DIXDC1: variants seen among roughly 807,000 people sequenced by gnomAD.
The protein encoded by DIXDC1 is dixin.
In DIXDC1, 64 loss-of-function variants were observed where a neutral mutation model predicts 103.1. The observed-to-expected ratio is 0.62, with a 90% CI of 0.51 to 0.76. DIXDC1 has a LOEUF of 0.76. DIXDC1 is among the 30% of genes least tolerant of loss of function. DIXDC1 has a pLI of 0.00. For missense variants in DIXDC1, 759 were observed against 834.2 expected, an observed-to-expected ratio of 0.91 and a Z score of 1.11; for synonymous variants, 266 against 298.5, an observed-to-expected ratio of 0.89 and a Z score of 1.12.
chr11:111,942,791 C>T (rs1966461859), intron 1 of DIXDC1, among the ~76,000 whole-genome samples: 1 of 152,162 alleles, frequency 6.6e-6, no homozygotes, highest in Admixed American at 6.5e-5. Context: ...TATTAATCTT[C>T]CCTTATCCAA....
rs996003982 is a variant in DIXDC1, at chr11:112,020,161, T to C, written c.*1125T>C. 2 of 152,604 alleles carry C rather than the reference T, an allele frequency of 1.3e-5. No homozygotes were observed. Among genetic ancestry groups the C allele is most frequent in the African/African-American group, 4.8e-5 (2 of 41,450 alleles). The allele number at this position is 152,604 out of a possible 1,614,324, so 9.5% of individuals were successfully genotyped here. On this transcript the variant is annotated 3_prime_UTR_variant, in exon 20 of 20. Transcript: ENST00000440460. Reference sequence around the variant, plus strand: ...CTAGAATCATTTCTGATGTGCAACATTGTCAAGTGAAGAAGCTAACAGTTC... The same window carrying C: ...CTAGAATCATTTCTGATGTGCAACACTGTCAAGTGAAGAAGCTAACAGTTC...
chr11:111,989,551 G>A (rs1555174289), intron 10 of DIXDC1, among the ~76,000 whole-genome samples: 1 of 150,304 alleles, frequency 6.7e-6, no homozygotes, highest in Non-Finnish European at 1.5e-5. Flanking sequence ...TTGAACCCAG[G>A]AGGCAGAGGT....
chr11:112,001,237 CA>C (rs1334595594), intron 17 of DIXDC1, among the ~76,000 whole-genome samples: 1 of 152,072 alleles, frequency 6.6e-6, no homozygotes. Context: ...ATAAAATGTC[CA>C]GAATAGGCAA....
intron 1 of DIXDC1, among the ~76,000 whole-genome samples, chr11:111,927,914 A>G (rs989598081): frequency 6.7e-6 from 1 of 149,720 alleles, no homozygotes; most frequent in East Asian, 2.0e-4. Context: ...TACTCAGGAG[A>G]CTGAGGCAGG....
intron 1 of DIXDC1, among the ~76,000 whole-genome samples, chr11:111,956,743 G>A (rs1023109510): frequency 1.3e-5 from 2 of 152,160 alleles, no homozygotes; most frequent in African/African-American, 2.4e-5. Flanking sequence ...TCCTGCCTTG[G>A]CCTTCCAAAG....
intron 1 of DIXDC1, among the ~76,000 whole-genome samples, chr11:111,944,964 C>T (rs910905418): frequency 6.6e-6 from 1 of 152,196 alleles, no homozygotes; most frequent in African/African-American, 2.4e-5. Flanking sequence ...TATGTACCAA[C>T]TGTCTTGGTC....
intron 9 of DIXDC1, among the ~76,000 whole-genome samples, chr11:111,988,494 A>G (rs151003169): frequency 3.9e-5 from 6 of 152,338 alleles, no homozygotes; most frequent in African/African-American, 1.4e-4. Context: ...GGGAATGTTA[A>G]TTACTCAGTA....
At chr11:111,991,807 T>C (rs587699077) in intron 10 of DIXDC1, among the ~76,000 whole-genome samples, 2 of 152,274 alleles carry the variant, frequency 1.3e-5, no homozygotes, top group Non-Finnish European at 2.9e-5. Context: ...AGACTAGGCA[T>C]TGGAAGCCAT....
At chr11:111,938,239 C>T (rs1328832684) in intron 1 of DIXDC1, among the ~76,000 whole-genome samples, 1 of 152,172 alleles carries the variant, frequency 6.6e-6, no homozygotes, top group Non-Finnish European at 1.5e-5. Context: ...TCATTTCCTC[C>T]CCACTTGTTT....
intron 2 of DIXDC1, among the ~76,000 whole-genome samples, chr11:111,931,936 C>T (rs1007649307): frequency 1.3e-5 from 2 of 151,456 alleles, no homozygotes; most frequent in African/African-American, 2.4e-5. Flanking sequence ...TCAGTGCAGT[C>T]GTAGAGAAAC....
At chr11:112,002,802 CA>C (rs1341075869) in intron 17 of DIXDC1, among the ~76,000 whole-genome samples, 6 of 151,998 alleles carry the variant, frequency 3.9e-5, no homozygotes, top group African/African-American at 1.4e-4. Context: ...ACCAAATAAA[CA>C]AAAACACAAT....
chr11:111,957,735 G>A (rs1272783346), intron 1 of DIXDC1, among the ~76,000 whole-genome samples: 4 of 152,238 alleles, frequency 2.6e-5, no homozygotes, highest in Non-Finnish European at 2.9e-5. Context: ...TGGAAGAGAC[G>A]TGGCAGCCTA....
chr11:111,937,511 C>T lies in DIXDC1; in HGVS notation c.12C>T (p.Cys4=), dbSNP rs782269853. MLA[C]LTRGNLLDVL... Reference sequence around the variant, plus strand: ...CCCCAGCAGGAACAATGCTAGCCTGCCTGACCCGAGGGAACTTACTGGACG... The same window carrying T: ...CCCCAGCAGGAACAATGCTAGCCTGTCTGACCCGAGGGAACTTACTGGACG... Residue 4 remains cysteine, a synonymous_variant, in exon 1 of 20, where the codon TGC becomes TGT. Coordinates refer to ENST00000440460, the MANE Select transcript of DIXDC1 (RefSeq NM_001037954.4). 2.8e-5 allele frequency: 44 copies of T among 1,592,966 alleles called. No individual in the cohort carries two copies. Among genetic ancestry groups the T allele is most frequent in the Middle Eastern group, 3.3e-4 (2 of 6,062 alleles).
upstream of DIXDC1, chr11:111,937,174 C>T (rs1966228139): frequency 9.6e-7 from 1 of 1,047,096 alleles, no homozygotes; most frequent in Non-Finnish European, 1.1e-6. Context: ...CAGCGCGCGC[C>T]CTCGCCAGCC....
intron 1 of DIXDC1, among the ~76,000 whole-genome samples, chr11:111,950,552 T>C (rs1308102761): frequency 6.9e-6 from 1 of 144,938 alleles, no homozygotes; most frequent in African/African-American, 2.5e-5. Flanking sequence ...GCCTCTCAGG[T>C]TCAAGCGATT....
rs1165543969 is a variant in DIXDC1 at position 111,937,402 on chromosome 11, T to G, written c.-98T>G. On this transcript the variant is annotated 5_prime_UTR_variant, in exon 1 of 20. It removes an upstream start codon present in the reference 5' UTR. Transcript: ENST00000440460. The stretch of plus-strand genomic sequence containing the variant: ...ATGCGGGACTCCGGAGGGATCCCAA[T>G]GAGCTGAGCCGAGAGCCTTTGTGTG... 7.3e-6 allele frequency: 11 copies of G among 1,503,410 alleles called. No individual in the cohort carries two copies. In the East Asian group the frequency reaches 7.6e-5, roughly 10 times the overall value. 93.1% of individuals were successfully genotyped at this position (1,503,410 alleles called of 1,614,324 possible). A position where few individuals can be genotyped will look rare whatever the true frequency, so the allele number is the denominator to read the frequency against.
chr11:111,990,521 C>T (rs2912102), intron 10 of DIXDC1, among the ~76,000 whole-genome samples: 4 of 152,112 alleles, frequency 2.6e-5, no homozygotes, highest in Admixed American at 6.5e-5. Flanking sequence ...AGTATATCTT[C>T]GAGCTCATTC....
At position 111,946,525 on chromosome 11, in the gene DIXDC1, G is replaced by GT. The variant is rs143329923; in HGVS notation, c.60+8973dup. Among the ~76,000 whole-genome samples the GT allele has an allele frequency of 6.9e-3, 1,044 of 152,164 alleles. 5 individuals are homozygous for GT. The highest frequency in any genetic ancestry group is 0.051 in the Middle Eastern group (15 of 294). ...AGGTGTGAGCCACTGCACCTGGTCAGTTTTTTTGTATTTTTAGTAGAGACG... is the reference window on the plus strand; with the variant it reads ...AGGTGTGAGCCACTGCACCTGGTCAGTTTTTTTTGTATTTTTAGTAGAGACG... On this transcript the variant is annotated intron_variant, in intron 1 of 19. Coordinates refer to ENST00000440460, the MANE Select transcript of DIXDC1 (RefSeq NM_001037954.4).
Position 111,992,471 on chromosome 11 carries a change from A to G in DIXDC1, c.1170A>G (p.Gln390=), listed in dbSNP as rs1406613414. ...QQDTSVLQLK[Q]ELLRANMDKD... The stretch of plus-strand genomic sequence containing the variant: ...ACACATCTGTTCTTCAGCTCAAACA[A>G]GAGCTACTGAGGGCAAATATGGACA... The change falls in exon 11 of 20, where the codon CAA becomes CAG. Residue 390 remains glutamine, a synonymous_variant. Transcript: ENST00000440460. 4 of 1,581,548 alleles carry G rather than the reference A, an allele frequency of 2.5e-6. No homozygotes were observed. The highest frequency in any genetic ancestry group is 3.4e-6 in the Non-Finnish European group (4 of 1,163,120).
Sources: allele counts gnomAD v4.1 joint callset (sites outside exome capture counted in the v4.1 genomes callset), GRCh38; gene constraint gnomAD v4.1.1; transcripts MANE v1.5; gene names NCBI Gene and HGNC (gene_info 2026-07-23, HGNC 2026-07-21).